DSC3: variants seen among roughly 807,000 people sequenced by gnomAD.
DSC3 encodes the protein desmocollin-3.
Under a neutral mutation model 89.5 loss-of-function variants are expected in DSC3, and 97 were observed. The observed-to-expected ratio is 1.08, with a 90% CI of 0.92 to 1.28. The LOEUF (loss-of-function observed/expected upper bound fraction) is 1.28. DSC3 is among the 50% of genes most tolerant of loss of function. The probability of loss-of-function intolerance (pLI) is 0.00; values close to 1 mark genes in which losing one functional copy is unlikely to be tolerated. For synonymous variants in DSC3, 436 were observed against 384.1 expected, an observed-to-expected ratio of 1.14 and a Z score of -1.58; for missense variants, 1,199 against 1,085.3, an observed-to-expected ratio of 1.10 and a Z score of -1.47.
At chr18:31,028,549 G>A (rs1320043652) in intron 4 of DSC3, among the ~76,000 whole-genome samples, 2 of 152,064 alleles carry the variant, frequency 1.3e-5, no homozygotes, top group Non-Finnish European at 2.9e-5. Flanking sequence ...ATAAACAAAT[G>A]TCTAGCACTA....
At position 31,007,949 on chromosome 18, in the gene DSC3, C is replaced by T. The variant is rs939322461; in HGVS notation, c.1663+67G>A. 18 of 1,399,370 alleles carry T rather than the reference C, an allele frequency of 1.3e-5. No homozygotes were observed. In the African/African-American group the frequency reaches 2.3e-4, roughly 18 times the overall value. The allele number at this position is 1,399,370 out of a possible 1,614,324, so 86.7% of individuals were successfully genotyped here. On this transcript the variant is annotated intron_variant, in intron 11 of 15. Transcript: ENST00000360428. ...TACACTTACCACCAAAATAAATCTG[C>T]ATAAGAATAATTACATTTTATTCTC...
In DSC3 at chr18:31,026,691, C is replaced by T. The variant is rs550985393; in HGVS notation, c.475-776G>A. Among the ~76,000 whole-genome samples, 629 of 152,210 alleles carry T rather than the reference C, an allele frequency of 4.1e-3. 3 individuals carry two copies. The highest frequency in any genetic ancestry group is 6.8e-3 in the Non-Finnish European group (462 of 67,970). ...ACTATGTCAGAGGGTGCTAGTATCT[C>T]TTAATATCTATTCTGCCCATCTTCC... On this transcript the variant is annotated intron_variant, in intron 4 of 15. Coordinates refer to ENST00000360428, the MANE Select transcript of DSC3 (RefSeq NM_001941.5).
At chr18:31,016,891 C>T (rs914864985) in intron 9 of DSC3, among the ~76,000 whole-genome samples, 1 of 152,140 alleles carries the variant, frequency 6.6e-6, no homozygotes, top group Non-Finnish European at 1.5e-5. Flanking sequence ...GCTTTTCCTC[C>T]TTCCCTATCT....
chr18:31,019,340 C>A (rs892474604), intron 7 of DSC3, among the ~76,000 whole-genome samples: 1 of 152,112 alleles, frequency 6.6e-6, no homozygotes, highest in Non-Finnish European at 1.5e-5. Flanking sequence ...TCACCCGCCT[C>A]GGGCTCCCAA....
intron 6 of DSC3, among the ~76,000 whole-genome samples, chr18:31,022,875 G>A (rs1054448005): frequency 6.6e-6 from 1 of 152,054 alleles, no homozygotes. Context: ...TTAAAAATTG[G>A]ACTTTTGATT....
At chr18:31,030,839 C>T (rs1393000461) in intron 3 of DSC3, 134 bp downstream of exon 3, 13 of 810,204 alleles carry the variant, frequency 1.6e-5, no homozygotes, top group South Asian at 4.9e-5. Flanking sequence ...AAAATGGAAA[C>T]GAAGTGAAAG....
At chr18:31,023,804 GT>G (rs1459559477) in intron 6 of DSC3, among the ~76,000 whole-genome samples, 1 of 152,086 alleles carries the variant, frequency 6.6e-6, no homozygotes. Flanking sequence ...GTAAGAGCAA[GT>G]GTTTAGAATA....
At chr18:31,037,639 T>A (rs538881542) in intron 1 of DSC3, among the ~76,000 whole-genome samples, 42 of 152,290 alleles carry the variant, frequency 2.8e-4, no homozygotes, top group Non-Finnish European at 4.7e-4. Context: ...CAGTGGCTCA[T>A]GCCTGTAATC....
chr18:31,039,132 A>T (rs982112987), intron 1 of DSC3, among the ~76,000 whole-genome samples: 2 of 152,174 alleles, frequency 1.3e-5, no homozygotes, highest in Admixed American at 1.3e-4. Flanking sequence ...AACTTTAAAG[A>T]TGATAATATA....
At chr18:31,041,507 A>G (rs1986129954) in intron 1 of DSC3, among the ~76,000 whole-genome samples, 1 of 152,180 alleles carries the variant, frequency 6.6e-6, no homozygotes, top group Admixed American at 6.5e-5. Context: ...GTGGAGGGCC[A>G]GGAAGCAGTA....
intron 1 of DSC3, among the ~76,000 whole-genome samples, chr18:31,034,061 G>A (rs185891800): frequency 5.3e-5 from 8 of 152,226 alleles, no homozygotes; most frequent in Admixed American, 4.6e-4. Context: ...TCCTGACCTC[G>A]TGATCCGCCC....
rs575466300 is a variant in DSC3, at chr18:30,994,193, T to A, written c.2673A>T (p.Glu891Asp). The change falls in exon 16 of 16, where the codon GAA (glutamate) becomes GAT (aspartate). Residue 891 changes from glutamate (E) to aspartate (D), a missense_variant. Physicochemically the swap from Glu to Asp is conservative, Grantham distance 45. Transcript: ENST00000360428. ...TGTGACATTATCTCTTTGTGCATGCTTCTGCTAATGTAATAAATTTGGGTT... is the reference window on the plus strand; with the variant it reads ...TGTGACATTATCTCTTTGTGCATGCATCTGCTAATGTAATAAATTTGGGTT... The part of the protein sequence containing the change: ...NLEPKFITLA[E>D]ACTKR The A allele has an allele frequency of 1.2e-6, 2 of 1,614,056 alleles. No individual in the cohort carries two copies. The highest frequency in any genetic ancestry group is 1.3e-5 in the African/African-American group (1 of 75,052).
chr18:31,031,021 C>T lies in DSC3; in HGVS notation c.306G>A (p.Arg102=), dbSNP rs979340674. 4.3e-6 allele frequency: 7 copies of T among 1,613,874 alleles called. No homozygotes were observed. The African/African-American group carries it at 8.0e-5, about 18-fold the overall frequency. Residue 102 remains arginine (R), a synonymous_variant, in exon 3 of 16, where the codon AGG becomes AGA. Transcript: ENST00000360428. The part of the protein sequence containing the change: ...RSFTIWLSDK[R]KQTQKEVTVL... ...CAGTAACCTCTTTCTGTGTCTGTTT[C>T]CTTTTGTCAGAAAGCCATATGGTAA...
Position 30,992,701 on chromosome 18 carries a change from A to T in DSC3, c.*1474T>A, listed in dbSNP as rs1472585344. The T allele has an allele frequency of 6.6e-6, 1 of 152,212 alleles. No individual in the cohort carries two copies. Among genetic ancestry groups the T allele is most frequent in the Non-Finnish European group, 1.5e-5 (1 of 68,038 alleles). 9.4% of individuals were successfully genotyped at this position (152,212 alleles called of 1,614,324 possible). A position where few individuals can be genotyped will look rare whatever the true frequency, so the allele number is the denominator to read the frequency against. On this transcript the variant is annotated 3_prime_UTR_variant, in exon 16 of 16. Coordinates refer to ENST00000360428, the MANE Select transcript of DSC3 (RefSeq NM_001941.5). ...AAGTTCCCTCTGTTCTAAAATGACA[A>T]CTTGATCTTTTTCTTTTATACATTC... is the stretch of plus-strand genomic sequence containing the variant.
intron 6 of DSC3, 79 bp downstream of exon 6, chr18:31,024,270 G>A (rs1473006221): frequency 3.7e-6 from 5 of 1,367,100 alleles, no homozygotes; most frequent in Non-Finnish European, 4.9e-6. Flanking sequence ...CTGGCCTTGA[G>A]TATAAAAAGC....
At chr18:31,015,726 G>T (rs769765368) in intron 9 of DSC3, among the ~76,000 whole-genome samples, 17 of 152,180 alleles carry the variant, frequency 1.1e-4, no homozygotes, top group South Asian at 4.1e-4. Context: ...ACACCAAAAG[G>T]TCTGAGCTTG....
Position 31,007,110 on chromosome 18 carries a change from G to T in DSC3, c.1685C>A (p.Thr562Lys). The change falls in exon 12 of 16, where the codon ACA becomes AAA. Residue 562 changes from threonine to lysine, a missense_variant. Physicochemically the swap from Thr to Lys is moderately conservative, Grantham distance 78. Coordinates refer to ENST00000360428, the MANE Select transcript of DSC3 (RefSeq NM_001941.5). ...TACATCTTCAATGTTCACAGCAAGTGTTCCAGTACATGATCTATCATCTAA... is the reference window on the plus strand; with the variant it reads ...TACATCTTCAATGTTCACAGCAAGTTTTCCAGTACATGATCTATCATCTAA... ...IDKDDRSCTG[T>K]LAVNIEDVND... 6.2e-7 allele frequency: 1 copy of T among 1,613,180 alleles called. No individual in the cohort carries two copies. The highest frequency in any genetic ancestry group is 8.5e-7 in the Non-Finnish European group (1 of 1,179,278).
chr18:31,010,513 A>T (rs1985022776), intron 9 of DSC3, among the ~76,000 whole-genome samples: 1 of 152,220 alleles, frequency 6.6e-6, no homozygotes, highest in Non-Finnish European at 1.5e-5. Flanking sequence ...ACTCTCCAAA[A>T]TTAAAAATCT....
At chr18:31,025,069 T>C (rs1368953290) in intron 5 of DSC3, among the ~76,000 whole-genome samples, 5 of 152,182 alleles carry the variant, frequency 3.3e-5, no homozygotes, top group African/African-American at 4.8e-5. Flanking sequence ...ATGCAAAGCA[T>C]GTCACATGGG....
Sources: allele counts gnomAD v4.1 joint callset (sites outside exome capture counted in the v4.1 genomes callset), GRCh38; gene constraint gnomAD v4.1.1; transcripts MANE v1.5; gene names NCBI Gene and HGNC (gene_info 2026-07-23, HGNC 2026-07-21).